MAP4K4: variants seen among roughly 807,000 people sequenced by gnomAD.
The protein encoded by MAP4K4 is HPK/GCK-like kinase HGK.
MAP4K4 carries 38 observed loss-of-function variants against 189.6 expected under a neutral mutation model. That is an observed-to-expected ratio of 0.20 (90% CI 0.15 to 0.26). The LOEUF (loss-of-function observed/expected upper bound fraction) is 0.26, where lower values mean the gene tolerates loss of function less well. Among genes scored for constraint, MAP4K4 ranks in the 10% least tolerant of loss-of-function variants. The pLI, the probability that MAP4K4 is intolerant of heterozygous loss-of-function variation, is 1.00. For synonymous variants in MAP4K4, 610 were observed against 624.3 expected (o/e 0.98, Z 0.34); for missense variants, 1,054 against 1,726.9 (o/e 0.61, Z 6.91).
At chr2:101,843,783 G>A (rs1228237085) in intron 11 of MAP4K4, among the ~76,000 whole-genome samples, 1 of 152,126 alleles carries the variant, frequency 6.6e-6, no homozygotes, top group Non-Finnish European at 1.5e-5. Flanking sequence ...AGTGGTTAAA[G>A]GACTAGTGAA....
intron 2 of MAP4K4, among the ~76,000 whole-genome samples, chr2:101,775,116 C>G (rs933651726): frequency 2.0e-5 from 3 of 151,280 alleles, no homozygotes; most frequent in African/African-American, 7.3e-5. Context: ...CAGGACAACC[C>G]CGGATCAATC....
At chr2:101,879,099 G>A (rs964126966) in intron 27 of MAP4K4, among the ~76,000 whole-genome samples, 1 of 150,962 alleles carries the variant, frequency 6.6e-6, no homozygotes, top group Non-Finnish European at 1.5e-5. Context: ...AGAGGCCAAG[G>A]CAGGAGGATT....
chr2:101,833,723 A>C (rs7606651), intron 7 of MAP4K4, among the ~76,000 whole-genome samples: 93,511 of 152,050 alleles, frequency 0.62, 30,510 homozygotes, highest in African/African-American at 0.85. Flanking sequence ...GGCAAAAATG[A>C]CTGCTTTCAT....
chr2:101,865,896 A>AT (rs1238915834), intron 18 of MAP4K4, among the ~76,000 whole-genome samples: 1 of 152,168 alleles, frequency 6.6e-6, no homozygotes, highest in African/African-American at 2.4e-5. Context: ...AGTCTGTGTC[A>AT]TTAATTCTTA....
chr2:101,806,848 C>T (rs2094986567), intron 3 of MAP4K4, among the ~76,000 whole-genome samples: 1 of 152,068 alleles, frequency 6.6e-6, no homozygotes, highest in Admixed American at 6.5e-5. Context: ...AGTGACTGTA[C>T]AGATGTTTTT....
intron 3 of MAP4K4, among the ~76,000 whole-genome samples, chr2:101,794,612 T>A (rs1041393963): frequency 6.6e-6 from 1 of 152,238 alleles, no homozygotes; most frequent in Admixed American, 6.5e-5. Flanking sequence ...TATTTGAGCA[T>A]GCTTGTCTTA....
At chr2:101,823,769 G>C (rs1018424160) in intron 3 of MAP4K4, among the ~76,000 whole-genome samples, 159 bp from the exon 4 acceptor site, 1 of 152,088 alleles carries the variant, frequency 6.6e-6, no homozygotes, top group Non-Finnish European at 1.5e-5. Flanking sequence ...GTCCTCTAAG[G>C]TTCCTGTTCT....
chr2:101,716,081 C>T (rs1251978940), intron 2 of MAP4K4, among the ~76,000 whole-genome samples: 2 of 152,192 alleles, frequency 1.3e-5, no homozygotes, highest in Non-Finnish European at 2.9e-5. Context: ...GAAACTGGTC[C>T]CTGTGCCAAA....
intron 3 of MAP4K4, among the ~76,000 whole-genome samples, chr2:101,815,089 T>G (rs1297359046): frequency 3.3e-5 from 5 of 152,250 alleles, no homozygotes; most frequent in African/African-American, 1.2e-4. Flanking sequence ...ATAAGTTGTT[T>G]ATAGCAATTG....
chr2:101,745,987 T>C (rs1474509382), intron 2 of MAP4K4, among the ~76,000 whole-genome samples: 1 of 149,476 alleles, frequency 6.7e-6, no homozygotes, highest in Non-Finnish European at 1.5e-5. Flanking sequence ...TGTGTGTGTG[T>C]GTGTGTGTGT....
intron 2 of MAP4K4, among the ~76,000 whole-genome samples, chr2:101,701,774 G>A (rs2038933479): frequency 6.6e-6 from 1 of 152,204 alleles, no homozygotes; most frequent in African/African-American, 2.4e-5. Context: ...ATATTTATAA[G>A]AGAAGTGTCT....
At chr2:101,771,014 A>C (rs2081177718) in intron 2 of MAP4K4, among the ~76,000 whole-genome samples, 1 of 152,196 alleles carries the variant, frequency 6.6e-6, no homozygotes, top group Non-Finnish European at 1.5e-5. Context: ...GATCCCACTT[A>C]ACAGCCTCAT....
At chr2:101,861,620 A>G (rs1576958907) in intron 16 of MAP4K4, 1 of 152,346 alleles carries the variant, frequency 6.6e-6, no homozygotes, top group African/African-American at 2.4e-5. Flanking sequence ...GCAGCGTTCT[A>G]GCCTTGGCTA....
intron 23 of MAP4K4, chr2:101,870,761 A>G: frequency 4.8e-6 from 1 of 208,444 alleles, no homozygotes; most frequent in Non-Finnish European, 9.8e-6. Flanking sequence ...AGTCTGGCAG[A>G]GCAGCCACCA....
intron 2 of MAP4K4, among the ~76,000 whole-genome samples, chr2:101,761,099 ATTATAC>A (rs2076186469): frequency 6.6e-6 from 1 of 152,210 alleles, no homozygotes; most frequent in Admixed American, 6.5e-5. Context: ...AAAATGTGGA[ATTATAC>A]TTCTTCCTAG....
chr2:101,839,308 G>A (rs1004364942), intron 9 of MAP4K4, among the ~76,000 whole-genome samples: 1 of 152,232 alleles, frequency 6.6e-6, no homozygotes, highest in African/African-American at 2.4e-5. Flanking sequence ...AGGTTAAACA[G>A]AGGGAACTGA....
intron 29 of MAP4K4, 37 bp from the exon 30 acceptor site, chr2:101,887,051 C>T (rs1274995654): frequency 9.7e-6 from 12 of 1,243,350 alleles, no homozygotes; most frequent in African/African-American, 1.6e-5. Context: ...AAAATGTTCT[C>T]CTTCATCTTC....
intron 2 of MAP4K4, among the ~76,000 whole-genome samples, chr2:101,742,604 C>G (rs918688448): frequency 7.9e-5 from 12 of 152,184 alleles, no homozygotes; most frequent in African/African-American, 2.7e-4. Flanking sequence ...GCTAGCACTG[C>G]TTTCCCACTT....
In MAP4K4 at chr2:101,835,592, T is replaced by C. The variant is rs185899308; in HGVS notation, c.695-308T>C. ...CCCTATGAAAATACAATCATTTTCA[T>C]TGTAATCTAACAGATAGTTTAACAA... On this transcript the variant is annotated intron_variant, in intron 8 of 32. Transcript: ENST00000324219. Among the ~76,000 whole-genome samples the C allele has an allele frequency of 1.5e-3, 221 of 152,376 alleles. 1 individual carries two copies. Among genetic ancestry groups the C allele is most frequent in the Non-Finnish European group, 2.7e-3 (186 of 68,038 alleles).
Sources: allele counts gnomAD v4.1 joint callset (sites outside exome capture counted in the v4.1 genomes callset), GRCh38; gene constraint gnomAD v4.1.1; transcripts MANE v1.5; gene names NCBI Gene and HGNC (gene_info 2026-07-23, HGNC 2026-07-21).